The following BLNK variants were observed in gnomAD, a reference collection of about 807,000 sequenced individuals.
BLNK encodes the protein B cell linker.
BLNK carries 29 observed loss-of-function variants against 73.5 expected under a neutral mutation model. That is an observed-to-expected ratio of 0.39 (90% confidence interval 0.29 to 0.54). BLNK has a LOEUF of 0.54. Ranked by LOEUF, BLNK falls within the 20% of genes least tolerant of loss-of-function variation. BLNK has a pLI of 0.61. For synonymous variants in BLNK, 176 were observed against 200.8 expected, an observed-to-expected ratio of 0.88 and a Z score of 1.04; for missense variants, 460 against 562.8, an observed-to-expected ratio of 0.82 and a Z score of 1.85.
intron 5 of BLNK, 103 bp downstream of exon 5, chr10:96,227,307 C>T (rs1842306546): frequency 1.4e-6 from 2 of 1,478,222 alleles, no homozygotes; most frequent in African/African-American, 2.8e-5. Context: ...CTGGCAGAGG[C>T]CCTCAAGCAG....
chr10:96,265,926 C>T lies in BLNK; in HGVS notation c.47+5426G>A, dbSNP rs748182231. Among the ~76,000 whole-genome samples the T allele has an allele frequency of 6.1e-4, 93 of 152,258 alleles. 1 individual carries two copies. The highest frequency in any genetic ancestry group is 1.0e-3 in the Non-Finnish European group (71 of 68,020). On this transcript the variant is annotated intron_variant, in intron 1 of 16. Transcript: ENST00000224337. Reference sequence around the variant, plus strand: ...CTGTAACACTCCCCAGTTGTGACAACCAAATGTTCCCTTGGGGACAAAATT... The same window carrying T: ...CTGTAACACTCCCCAGTTGTGACAATCAAATGTTCCCTTGGGGACAAAATT...
chr10:96,195,983 G>A (rs1359010968), intron 16 of BLNK, among the ~76,000 whole-genome samples: 4 of 152,208 alleles, frequency 2.6e-5, no homozygotes, highest in African/African-American at 9.6e-5. Flanking sequence ...ATACAGAGAT[G>A]AAAAGACATT....
intron 8 of BLNK, among the ~76,000 whole-genome samples, chr10:96,212,133 A>G (rs1457165852): frequency 6.6e-6 from 1 of 152,166 alleles, no homozygotes; most frequent in Non-Finnish European, 1.5e-5. Context: ...ACTTCTGACA[A>G]TCAGAGGACA....
intron 1 of BLNK, among the ~76,000 whole-genome samples, chr10:96,267,878 GC>G (rs1844084324): frequency 6.6e-6 from 1 of 152,174 alleles, no homozygotes; most frequent in Admixed American, 6.5e-5. Flanking sequence ...GATATTAATA[GC>G]TACTATTTTG....
At chr10:96,225,087 A>C (rs1271323462) in intron 5 of BLNK, among the ~76,000 whole-genome samples, 1 of 152,200 alleles carries the variant, frequency 6.6e-6, no homozygotes, top group Admixed American at 6.5e-5. Context: ...CAGTAGGTAC[A>C]GTGTGTCTGC....
At chr10:96,214,808 T>C (rs1225090744) in intron 8 of BLNK, among the ~76,000 whole-genome samples, 1 of 152,152 alleles carries the variant, frequency 6.6e-6, no homozygotes, top group African/African-American at 2.4e-5. Context: ...TACCAGGCAC[T>C]CATTAAGAGT....
At chr10:96,210,276 C>A in intron 8 of BLNK, 1 of 360,536 alleles carries the variant, frequency 2.8e-6, no homozygotes, top group South Asian at 2.4e-5. Context: ...ACAGCTCACA[C>A]CTACATCTGT....
intron 10 of BLNK, among the ~76,000 whole-genome samples, chr10:96,207,455 G>C (rs1343622504): frequency 6.6e-6 from 1 of 152,246 alleles, no homozygotes; most frequent in Admixed American, 6.5e-5. Context: ...ACTAGGTCCA[G>C]GTGGGCTCCC....
chr10:96,189,632 T>A lies in BLNK; in HGVS notation c.*2341A>T. 4 of 709,670 alleles carry A rather than the reference T, an allele frequency of 5.6e-6. No individual in the cohort carries two copies. Among genetic ancestry groups the A allele is most frequent in the South Asian group, 5.4e-5 (4 of 73,596 alleles). 44.0% of individuals were successfully genotyped at this position (709,670 alleles called of 1,614,324 possible). A position where few individuals can be genotyped will look rare whatever the true frequency, so the allele number is the denominator to read the frequency against. ...GTTTTCTATTCTGATTTGACTTTTG[T>A]GCATTTTTGGCTGGAGTATGTAGAT... On this transcript the variant is annotated 3_prime_UTR_variant, in exon 17 of 17. Transcript: ENST00000224337.
At position 96,240,959 on chromosome 10, in the gene BLNK, G is replaced by A. The variant is rs1159393755; in HGVS notation, c.163+1776C>T. Among the ~76,000 whole-genome samples the A allele has an allele frequency of 2.0e-5, 3 of 152,184 alleles. No homozygotes were observed. In the East Asian group the frequency reaches 5.8e-4, roughly 29 times the overall value. On this transcript the variant is annotated intron_variant, in intron 3 of 16. Transcript: ENST00000224337. Reference sequence around the variant, plus strand: ...GAAGCTTCCTTGACTTATTGATTAGGTAGATATTAAAGCCCAGAACAGGGT... The same window carrying A: ...GAAGCTTCCTTGACTTATTGATTAGATAGATATTAAAGCCCAGAACAGGGT...
chr10:96,231,176 C>A (rs1842486249), intron 3 of BLNK, among the ~76,000 whole-genome samples: 2 of 152,164 alleles, frequency 1.3e-5, no homozygotes, highest in African/African-American at 4.8e-5. Context: ...GTAGGAACAG[C>A]ACAGGACAGG....
intron 6 of BLNK, among the ~76,000 whole-genome samples, chr10:96,222,152 A>G (rs782108473): frequency 2.6e-5 from 4 of 152,328 alleles, no homozygotes; most frequent in East Asian, 1.9e-4. Flanking sequence ...TAAATTCTCA[A>G]AATAACAGAG....
At chr10:96,249,836 T>G (rs544970701) in intron 1 of BLNK, among the ~76,000 whole-genome samples, 28 of 152,190 alleles carry the variant, frequency 1.8e-4, no homozygotes, top group Admixed American at 1.7e-3. Flanking sequence ...AGTAAGATCT[T>G]GTAGTAGCTG....
rs1038707590 is a variant in BLNK at position 96,216,854 on chromosome 10, C to T, written c.526-120G>A. 8.4e-5 allele frequency: 71 copies of T among 840,780 alleles called. 1 individual carries two copies. Among genetic ancestry groups the T allele is most frequent in the Non-Finnish European group, 1.3e-4 (65 of 506,238 alleles). 52.1% of individuals were successfully genotyped at this position (840,780 alleles called of 1,614,324 possible). ...GCAATTCACATATCATAAAATTCTA[C>T]TATGTAAATTGTACAATTTGGTGAC... On this transcript the variant is annotated intron_variant, in intron 6 of 16. Coordinates refer to ENST00000224337, the MANE Select transcript of BLNK (RefSeq NM_013314.4).
chr10:96,268,962 C>T (rs573557007), intron 1 of BLNK, among the ~76,000 whole-genome samples: 7 of 152,262 alleles, frequency 4.6e-5, no homozygotes, highest in Middle Eastern at 3.4e-3. Context: ...TTGATGTCAA[C>T]CAGTCAGGAC....
At chr10:96,250,424 G>C (rs560706168) in intron 1 of BLNK, among the ~76,000 whole-genome samples, 1 of 140,060 alleles carries the variant, frequency 7.1e-6, no homozygotes, top group Admixed American at 7.8e-5. Context: ...GGGAGAGAGA[G>C]AGAGAGAGAG....
chr10:96,200,310 A>G lies in BLNK; in HGVS notation c.1012-152T>C. On this transcript the variant is annotated intron_variant, in intron 14 of 16. Coordinates refer to ENST00000224337, the MANE Select transcript of BLNK (RefSeq NM_013314.4). This position sits in a 1 kb window ranked among gnomAD's most constrained non-coding sequence, Gnocchi z 4.3. The stretch of plus-strand genomic sequence containing the variant: ...ATGAGTTTTATTTTTCCTTTGATCA[A>G]ACACAAGGATTATACCGTTAACTTG... 1 of 638,102 alleles carries G rather than the reference A, an allele frequency of 1.6e-6. No individual in the cohort carries two copies. The highest frequency in any genetic ancestry group is 2.8e-6 in the Non-Finnish European group (1 of 355,222). The allele number at this position is 638,102 out of a possible 1,614,324, so 39.5% of individuals were successfully genotyped here. A position where few individuals can be genotyped will look rare whatever the true frequency, so the allele number is the denominator to read the frequency against.
chr10:96,191,068 G>T lies in BLNK; in HGVS notation c.*905C>A, dbSNP rs1289428424. ...CGCGGGCAGGTTTTCCCATGTTGTT[G>T]TGATAGTGAGTAAGTCTCATGAGAT... On this transcript the variant is annotated 3_prime_UTR_variant, in exon 17 of 17. Coordinates refer to ENST00000224337, the MANE Select transcript of BLNK (RefSeq NM_013314.4). Among the ~76,000 whole-genome samples, 1 of 152,064 alleles carries T rather than the reference G, an allele frequency of 6.6e-6. No homozygotes were observed. Among genetic ancestry groups the T allele is most frequent in the African/African-American group, 2.4e-5 (1 of 41,390 alleles).
rs1266874736 is a variant in BLNK at position 96,230,663 on chromosome 10, G to A, written c.204+131C>T. On this transcript the variant is annotated intron_variant, in intron 4 of 16. Transcript: ENST00000224337. ...AGCTGGTATGCAGTATGCCTTGCCT[G>A]TAGGTGACCTTTCCAAGTCTTCCCT... 5 of 1,051,326 alleles carry A rather than the reference G, an allele frequency of 4.8e-6. No individual in the cohort carries two copies. The African/African-American group carries it at 7.9e-5, about 17-fold the overall frequency. The allele number at this position is 1,051,326 out of a possible 1,614,324, so 65.1% of individuals were successfully genotyped here.
Sources: gnomAD v4.1 joint callset for allele counts (sites outside exome capture counted in the v4.1 genomes callset) on GRCh38, gnomAD v4.1.1 for gene constraint, Gnocchi (gnomAD v3.1) non-coding constraint, MANE v1.5 for transcripts, NCBI Gene and HGNC (gene_info 2026-07-23, HGNC 2026-07-21) for gene names.